The following MEIKIN variants were observed in gnomAD, a reference collection of about 807,000 sequenced individuals.
MEIKIN encodes meiotic kinetochore factor.
chr5:131,874,960 C>T (rs564475574), intron 9 of MEIKIN, among the ~76,000 whole-genome samples: 3 of 152,304 alleles, frequency 2.0e-5, no homozygotes, highest in East Asian at 1.9e-4. Context: ...ATGCTAAAAA[C>T]TCTCAATAAA....
At chr5:131,934,125 T>A (rs1464088757) in intron 4 of MEIKIN, among the ~76,000 whole-genome samples, 1 of 151,748 alleles carries the variant, frequency 6.6e-6, no homozygotes, top group Admixed American at 6.6e-5. Context: ...TAATTATTTT[T>A]TTTTTATTTT....
chr5:131,862,767 G>A (rs527260050), intron 9 of MEIKIN, among the ~76,000 whole-genome samples: 3 of 152,256 alleles, frequency 2.0e-5, no homozygotes, highest in South Asian at 2.1e-4. Context: ...CACTACTGTA[G>A]CTCCCTGCAG....
chr5:131,897,709 A>G (rs1751077831), intron 8 of MEIKIN, among the ~76,000 whole-genome samples: 1 of 152,158 alleles, frequency 6.6e-6, no homozygotes, highest in African/African-American at 2.4e-5. Context: ...TGCATCATGA[A>G]GTTTTCATGC....
chr5:131,910,789 CTTAT>C (rs1002625236), intron 8 of MEIKIN, among the ~76,000 whole-genome samples: 2 of 151,690 alleles, frequency 1.3e-5, no homozygotes, highest in Non-Finnish European at 2.9e-5. Flanking sequence ...GAGTAAGTGG[CTTAT>C]TTAATTTTAA....
chr5:131,923,078 C>T (rs1303828330), intron 5 of MEIKIN, among the ~76,000 whole-genome samples: 1 of 152,072 alleles, frequency 6.6e-6, no homozygotes, highest in African/African-American at 2.4e-5. Context: ...TGTGTAGAGA[C>T]AGTTTCGCCA....
chr5:131,940,518 CTGTT>C (rs1751851369), intron 4 of MEIKIN, among the ~76,000 whole-genome samples: 1 of 152,060 alleles, frequency 6.6e-6, no homozygotes, highest in Non-Finnish European at 1.5e-5. Flanking sequence ...AATGTTAGTT[CTGTT>C]TGTTTCATTT....
At chr5:131,928,006 C>T (rs2457137) in intron 5 of MEIKIN, among the ~76,000 whole-genome samples, 64,048 of 151,280 alleles carry the variant, frequency 0.42, 17,980 homozygotes, top group African/African-American at 0.81. Context: ...TAGCCGGGCA[C>T]GGTGGCGCGC....
intron 11 of MEIKIN, among the ~76,000 whole-genome samples, chr5:131,839,595 A>G (rs1457157254): frequency 2.0e-5 from 3 of 152,184 alleles, no homozygotes. Context: ...TGAACCATTT[A>G]CCATTATGTA....
intron 8 of MEIKIN, among the ~76,000 whole-genome samples, chr5:131,894,656 T>A (rs537273663): frequency 3.3e-5 from 5 of 152,156 alleles, no homozygotes; most frequent in Admixed American, 1.3e-4. Context: ...ATTCTCTTTG[T>A]AGCAATTGTG....
At chr5:131,818,034 A>T (rs1276120496) in intron 12 of MEIKIN, among the ~76,000 whole-genome samples, 1 of 152,224 alleles carries the variant, frequency 6.6e-6, no homozygotes, top group South Asian at 2.1e-4. Context: ...AGCTTAAAAG[A>T]TTGAATTCCT....
chr5:131,877,175 T>C (rs1750629814), intron 9 of MEIKIN, among the ~76,000 whole-genome samples: 1 of 151,630 alleles, frequency 6.6e-6, no homozygotes, highest in Non-Finnish European at 1.5e-5. Context: ...AAAAGCAAAA[T>C]TATGTAATAA....
At chr5:131,827,307 C>A (rs1749632706) in intron 11 of MEIKIN, among the ~76,000 whole-genome samples, 1 of 151,698 alleles carries the variant, frequency 6.6e-6, no homozygotes, top group East Asian at 1.9e-4. Context: ...TTCAATGAAT[C>A]AAAAATTGTT....
At chr5:131,861,475 T>G (rs1292515301) in intron 9 of MEIKIN, among the ~76,000 whole-genome samples, 1 of 152,192 alleles carries the variant, frequency 6.6e-6, no homozygotes, top group Non-Finnish European at 1.5e-5. Context: ...TTGCTCTGGC[T>G]ACAACTTTTG....
At chr5:131,845,296 A>G (rs1434172350) in intron 11 of MEIKIN, among the ~76,000 whole-genome samples, 2 of 150,022 alleles carry the variant, frequency 1.3e-5, no homozygotes, top group African/African-American at 4.9e-5. Flanking sequence ...AAAAAAAAAA[A>G]AAAAGATGGC....
intron 8 of MEIKIN, among the ~76,000 whole-genome samples, chr5:131,886,388 G>T (rs1181386343): frequency 6.6e-6 from 1 of 152,046 alleles, no homozygotes; most frequent in South Asian, 2.1e-4. Flanking sequence ...AAAGTTCAAG[G>T]ATAAAGAAAA....
At chr5:131,930,435 GT>G (rs1263740931) in intron 5 of MEIKIN, among the ~76,000 whole-genome samples, 3 of 152,074 alleles carry the variant, frequency 2.0e-5, no homozygotes, top group Non-Finnish European at 4.4e-5. Flanking sequence ...CATTCTGTAG[GT>G]TGTCTGTTTA....
chr5:131,824,142 C>T (rs1234218934), intron 11 of MEIKIN, among the ~76,000 whole-genome samples: 1 of 152,176 alleles, frequency 6.6e-6, no homozygotes, highest in Non-Finnish European at 1.5e-5. Flanking sequence ...AGACCTTGCC[C>T]ATGGCCTTTC....
At chr5:131,875,751 C>A (rs977923900) in intron 9 of MEIKIN, among the ~76,000 whole-genome samples, 17 of 152,042 alleles carry the variant, frequency 1.1e-4, no homozygotes, top group Non-Finnish European at 2.1e-4. Flanking sequence ...ACTATACTAC[C>A]AGGCTACAGT....
intron 11 of MEIKIN, among the ~76,000 whole-genome samples, chr5:131,836,147 T>C (rs189778973): frequency 6.6e-6 from 1 of 152,186 alleles, no homozygotes; most frequent in African/African-American, 2.4e-5. Flanking sequence ...ATATGCCATA[T>C]TTGGTTTTCT....
Sources: allele counts gnomAD v4.1 joint callset (sites outside exome capture counted in the v4.1 genomes callset), GRCh38; gene constraint gnomAD v4.1.1; transcripts MANE v1.5; gene names NCBI Gene and HGNC (gene_info 2026-07-23, HGNC 2026-07-21).